The following ADCY8 variants were observed in gnomAD, a reference collection of about 807,000 sequenced individuals.
The protein encoded by ADCY8 is adenylate cyclase 8, also known as adenylate cyclase type 8.
A neutral mutation model predicts 119.7 loss-of-function variants in ADCY8; 51 were observed. The ratio of observed to expected loss-of-function variants is 0.43; its 90% CI spans 0.34 to 0.54. The LOEUF (loss-of-function observed/expected upper bound fraction) is 0.54, where lower values mean the gene tolerates loss of function less well. Ranked by LOEUF, ADCY8 falls within the 20% of genes least tolerant of loss-of-function variation. The pLI is 0.03. For missense variants in ADCY8, 1,383 were observed against 1,598.8 expected, an observed-to-expected ratio of 0.87 and a Z score of 2.30; for synonymous variants, 665 against 651.0, an observed-to-expected ratio of 1.02 and a Z score of -0.33.
chr8:130,984,823 G>T (rs1435809505), intron 2 of ADCY8, among the ~76,000 whole-genome samples: 1 of 152,170 alleles, frequency 6.6e-6, no homozygotes. Flanking sequence ...GGCCGAGCTG[G>T]TGATATATGT....
rs906660079 is a variant in ADCY8 at position 130,844,826 on chromosome 8, T to C, written c.2502+2598A>G. 2.6e-5 allele frequency among the ~76,000 whole-genome samples: 4 copies of C among 152,150 alleles called. No individual in the cohort carries two copies. In the East Asian group the frequency reaches 7.7e-4, roughly 29 times the overall value. On this transcript the variant is annotated intron_variant, in intron 11 of 17. Coordinates refer to ENST00000286355, the MANE Select transcript of ADCY8 (RefSeq NM_001115.3). ...GATGACCGTTTCATTGTGGAGAAAA[T>C]GGTAACATCAATCCATATTCATTTT...
At chr8:130,939,330 A>G (rs1029415381) in intron 4 of ADCY8, among the ~76,000 whole-genome samples, 4 of 152,204 alleles carry the variant, frequency 2.6e-5, no homozygotes, top group African/African-American at 9.7e-5. Flanking sequence ...TGCCAAGTTT[A>G]AAATTTCCAA....
At position 131,040,284 on chromosome 8, in the gene ADCY8, G is replaced by T. The variant is rs756252913; in HGVS notation, c.50C>A (p.Thr17Asn). Reference protein sequence around the residue: ...RCLTGSEELYTIHPTPPAGDG... With the variant: ...RCLTGSEELYNIHPTPPAGDG... ...GCCGGCCGGGGGCGTCGGGTGGATGGTGTAGAGTTCCTCGCTGCCTGTAAG... is the reference window on the plus strand; with the variant it reads ...GCCGGCCGGGGGCGTCGGGTGGATGTTGTAGAGTTCCTCGCTGCCTGTAAG... Residue 17 changes from threonine to asparagine, a missense_variant, in exon 1 of 18, where the codon ACC (threonine) becomes AAC (asparagine). Coordinates refer to ENST00000286355, the MANE Select transcript of ADCY8 (RefSeq NM_001115.3). 6.4e-7 allele frequency: 1 copy of T among 1,562,172 alleles called. No homozygotes were observed. The highest frequency in any genetic ancestry group is 1.2e-5 in the South Asian group (1 of 86,396).
chr8:131,018,039 A>T (rs970000511), intron 1 of ADCY8, among the ~76,000 whole-genome samples: 2 of 152,358 alleles, frequency 1.3e-5, no homozygotes, highest in Non-Finnish European at 2.9e-5. Flanking sequence ...GAGTATAAAC[A>T]TTAATGTTAC....
At chr8:130,837,738 T>G (rs1204174720) in intron 11 of ADCY8, among the ~76,000 whole-genome samples, 1 of 152,170 alleles carries the variant, frequency 6.6e-6, no homozygotes, top group East Asian at 1.9e-4. Flanking sequence ...AAAACTTGCA[T>G]TATCAAAGGC....
At chr8:130,845,501 T>C (rs994885369) in intron 11 of ADCY8, among the ~76,000 whole-genome samples, 1 of 152,150 alleles carries the variant, frequency 6.6e-6, no homozygotes. Context: ...GGGGCTTGAT[T>C]GGAAACGAAA....
At chr8:131,031,157 A>G (rs889999880) in intron 1 of ADCY8, among the ~76,000 whole-genome samples, 1 of 152,082 alleles carries the variant, frequency 6.6e-6, no homozygotes, top group Non-Finnish European at 1.5e-5. Context: ...ATAGATCACT[A>G]TATAGGAATC....
intron 7 of ADCY8, among the ~76,000 whole-genome samples, chr8:130,888,316 T>C (rs896602783): frequency 2.6e-5 from 4 of 151,986 alleles, no homozygotes; most frequent in Non-Finnish European, 4.4e-5. Context: ...TTAGCTGGTG[T>C]TTTTGATATT....
chr8:130,862,111 T>C (rs1817951664), intron 9 of ADCY8, among the ~76,000 whole-genome samples: 1 of 152,166 alleles, frequency 6.6e-6, no homozygotes, highest in South Asian at 2.1e-4. Flanking sequence ...ATGTTTATGT[T>C]TATGAGATAT....
At chr8:130,968,663 A>C (rs1367383818) in intron 2 of ADCY8, among the ~76,000 whole-genome samples, 4 of 152,212 alleles carry the variant, frequency 2.6e-5, no homozygotes, top group South Asian at 2.1e-4. Context: ...ACCTTAAGTA[A>C]TGCTTAGGAC....
chr8:130,793,278 T>C (rs1459871217), intron 15 of ADCY8, among the ~76,000 whole-genome samples: 1 of 152,170 alleles, frequency 6.6e-6, no homozygotes, highest in South Asian at 2.1e-4. Context: ...GAAATTGCAC[T>C]ATGGGTGTCC....
chr8:130,813,692 T>C (rs781321958), intron 14 of ADCY8, among the ~76,000 whole-genome samples: 2 of 152,230 alleles, frequency 1.3e-5, no homozygotes, highest in Non-Finnish European at 2.9e-5. Flanking sequence ...TGCTTCTAGA[T>C]ATACAAATAT....
intron 8 of ADCY8, among the ~76,000 whole-genome samples, chr8:130,872,054 T>C (rs999854735): frequency 6.6e-6 from 1 of 152,162 alleles, no homozygotes; most frequent in Non-Finnish European, 1.5e-5. Context: ...TCATAGTCAG[T>C]TGGTGGCAAA....
intron 1 of ADCY8, among the ~76,000 whole-genome samples, chr8:130,992,417 A>AGCAACTGTGCC (rs1822619498): frequency 1.1e-5 from 1 of 87,044 alleles, no homozygotes; most frequent in African/African-American, 4.6e-5. Flanking sequence ...ATATATATAT[A>AGCAACTGTGCC]TATATATATA....
At chr8:130,938,018 G>A (rs1820840090) in intron 4 of ADCY8, among the ~76,000 whole-genome samples, 1 of 152,146 alleles carries the variant, frequency 6.6e-6, no homozygotes, top group South Asian at 2.1e-4. Context: ...AATAATGCAT[G>A]CTTTTATATT....
At chr8:130,849,871 T>G (rs1471031143) in intron 9 of ADCY8, 68 bp from the exon 10 acceptor site, 13 of 1,431,098 alleles carry the variant, frequency 9.1e-6, no homozygotes, top group Admixed American at 3.8e-5. Context: ...ATTCTATTCC[T>G]GGTCTTCCTT....
Position 130,909,872 on chromosome 8 carries a change from G to A in ADCY8, c.1482-6C>T, listed in dbSNP as rs1403580908. The A allele has an allele frequency of 6.2e-7, 1 of 1,613,514 alleles. No homozygotes were observed. The highest frequency in any genetic ancestry group is 2.2e-5 in the East Asian group (1 of 44,856). On this transcript the variant is annotated splice_polypyrimidine_tract_variant and splice_region_variant and intron_variant, in intron 5 of 17. Coordinates refer to ENST00000286355, the MANE Select transcript of ADCY8 (RefSeq NM_001115.3). ...TTGTCCTTGACCGCACATACCTGTT[G>A]ACATAGGTAAATGGAGAGACACATG... is the stretch of plus-strand genomic sequence containing the variant.
intron 1 of ADCY8, among the ~76,000 whole-genome samples, chr8:131,015,482 T>TA (rs1405269383): frequency 6.6e-6 from 1 of 152,172 alleles, no homozygotes; most frequent in East Asian, 1.9e-4. Flanking sequence ...ATTGCCTTCA[T>TA]AAATCTGAAT....
At chr8:130,878,558 C>G (rs879634980) in intron 8 of ADCY8, among the ~76,000 whole-genome samples, 3 of 152,114 alleles carry the variant, frequency 2.0e-5, no homozygotes, top group Non-Finnish European at 4.4e-5. Flanking sequence ...CAATCAAGGA[C>G]AGAGAAAGAT....
Sources: allele counts gnomAD v4.1 joint callset (sites outside exome capture counted in the v4.1 genomes callset), GRCh38; gene constraint gnomAD v4.1.1; transcripts MANE v1.5; gene names NCBI Gene and HGNC (gene_info 2026-07-23, HGNC 2026-07-21).